The following IGSF9 variants were observed in gnomAD, a reference collection of about 807,000 sequenced individuals.
The protein encoded by IGSF9 is immunoglobulin superfamily member 9.
IGSF9 carries 87 observed loss-of-function variants against 121.7 expected under a neutral mutation model. That is an observed-to-expected ratio of 0.71 (90% CI 0.60 to 0.85). The LOEUF is 0.85. Ranked by LOEUF, IGSF9 falls within the 40% of genes least tolerant of loss-of-function variation. The pLI, the probability that IGSF9 is intolerant of heterozygous loss-of-function variation, is 0.00. For missense variants in IGSF9, 1,462 were observed against 1,565.3 expected (o/e 0.93, Z 1.11); for synonymous variants, 640 against 648.4 (o/e 0.99, Z 0.20).
intron 9 of IGSF9, 154 bp downstream of exon 9, chr1:159,934,036 T>G (rs1651094685): frequency 1.1e-6 from 1 of 911,906 alleles, no homozygotes; most frequent in Admixed American, 2.7e-5. Flanking sequence ...TTTAAGTAGT[T>G]TCCTATGCAA....
chr1:159,930,924 G>A (rs756675073), intron 13 of IGSF9, 57 bp from the exon 14 acceptor site: 29 of 1,508,282 alleles, frequency 1.9e-5, no homozygotes, highest in Non-Finnish European at 2.6e-5. Flanking sequence ...CAGAAGATCT[G>A]GGGTCCAGAG....
intron 6 of IGSF9, 104 bp from the exon 7 acceptor site, chr1:159,934,926 G>C: frequency 7.2e-7 from 1 of 1,392,640 alleles, no homozygotes; most frequent in Non-Finnish European, 9.9e-7. Flanking sequence ...TGGAATCTTA[G>C]GGCTCGTTGT....
chr1:159,931,382 T>C lies in IGSF9; in HGVS notation c.1513+71A>G. The C allele has an allele frequency of 6.3e-7, 1 of 1,597,304 alleles. No homozygotes were observed. Among genetic ancestry groups the C allele is most frequent in the South Asian group, 1.1e-5 (1 of 89,032 alleles). The stretch of plus-strand genomic sequence containing the variant: ...CCCAGGGGTCCCACACCCATGATCC[T>C]CTTTCTGGGCCTCCAAAAACGATTC... On this transcript the variant is annotated intron_variant, in intron 12 of 20. Coordinates refer to ENST00000368094, the MANE Select transcript of IGSF9 (RefSeq NM_001135050.2). The surrounding 1 kb of genome is among the most constrained non-coding windows in gnomAD (Gnocchi z 4.8).
Position 159,927,382 on chromosome 1 carries a change from T to A in IGSF9, c.3503A>T (p.Gln1168Leu), listed in dbSNP as rs755823106. 6.2e-7 allele frequency: 1 copy of A among 1,613,716 alleles called. No homozygotes were observed. Among genetic ancestry groups the A allele is most frequent in the Non-Finnish European group, 8.5e-7 (1 of 1,180,000 alleles). ...GGCCTGTTCGGGGTGGGGGACTGGC[T>A]GTCGATAGGCTGGTAGCCGAGCCCT... ...ATRARLPAYR[Q>L]PVPHPEQATL... Residue 1168 changes from glutamine (Q) to leucine (L), a missense_variant, in exon 21 of 21, where the codon CAG (glutamine) becomes CTG (leucine). By Grantham distance (113) the Gln-to-Leu change is moderately radical. Around this residue, in one of 3 missense-constraint regions of IGSF9, gnomAD observed 808 missense variants for 815.2 expected, o/e 0.99. Transcript: ENST00000368094.
intron 4 of IGSF9, among the ~76,000 whole-genome samples, chr1:159,937,218 C>A (rs891993663): frequency 6.6e-6 from 1 of 152,184 alleles, no homozygotes; most frequent in Non-Finnish European, 1.5e-5. Context: ...CTCTGCTCTG[C>A]CACTAATCAG....
rs760246481 is a variant in IGSF9, at chr1:159,929,638, C to T, written c.2326G>A (p.Asp776Asn). Residue 776 changes from aspartate to asparagine, a missense_variant and splice_region_variant, in exon 17 of 21, where the codon GAT becomes AAT. Transcript: ENST00000368094. Reference sequence around the variant, plus strand: ...CAGGGCTGAGGGTGGAGGGACTTACCTTGGCGGAGGCGCTTGCGGCGGCGG... The same window carrying T: ...CAGGGCTGAGGGTGGAGGGACTTACTTTGGCGGAGGCGCTTGCGGCGGCGG... ...ARRRRKRLRQ[D>N]PPLIFSPTGK... 2 of 1,593,842 alleles carry T rather than the reference C, an allele frequency of 1.3e-6. No individual in the cohort carries two copies. The highest frequency in any genetic ancestry group is 1.7e-6 in the Non-Finnish European group (2 of 1,171,494).
In IGSF9 at chr1:159,928,821, C is replaced by T. The variant is rs771065962; in HGVS notation, c.2567G>A (p.Gly856Glu). The change falls in exon 19 of 21, where the codon GGG (glycine) becomes GAG (glutamate). Residue 856 changes from glycine to glutamate, a missense_variant. Around this residue, in one of 3 missense-constraint regions of IGSF9, gnomAD observed 808 missense variants for 815.2 expected, o/e 0.99. Transcript: ENST00000368094. ...TTCCTGGGGGGCCGCCACAGTGGGC[C>T]CCATCACAAAGCGCCCGTCTGGGCC... is the stretch of plus-strand genomic sequence containing the variant. ...CRGPDGRFVM[G>E]PTVAAPQERS... is the part of the protein sequence containing the mutation. The T allele has an allele frequency of 2.0e-6, 3 of 1,521,850 alleles. No homozygotes were observed. Among genetic ancestry groups the T allele is most frequent in the East Asian group, 2.4e-5 (1 of 41,534 alleles). 94.3% of individuals were successfully genotyped at this position (1,521,850 alleles called of 1,614,324 possible).
intron 4 of IGSF9, 71 bp from the exon 5 acceptor site, chr1:159,936,979 G>A (rs1230158980): frequency 2.6e-6 from 4 of 1,512,564 alleles, no homozygotes; most frequent in African/African-American, 1.4e-5. Flanking sequence ...AAGGGCCAGG[G>A]AGACCACTCA....
In IGSF9 at chr1:159,943,517, G is replaced by A. The variant is rs948313321; in HGVS notation, c.-63C>T. On this transcript the variant is annotated 5_prime_UTR_variant, in exon 2 of 21. Coordinates refer to ENST00000368094, the MANE Select transcript of IGSF9 (RefSeq NM_001135050.2). ...CAGGAGCCCAGATGGAGGGGCCAAG[G>A]GATGTCCTTCTGATCAGCTCAGGGA... 1.4e-6 allele frequency: 2 copies of A among 1,444,258 alleles called. No homozygotes were observed. Among genetic ancestry groups the A allele is most frequent in the East Asian group, 2.5e-5 (1 of 39,728 alleles). 89.5% of individuals were successfully genotyped at this position (1,444,258 alleles called of 1,614,324 possible). A position where few individuals can be genotyped will look rare whatever the true frequency, so the allele number is the denominator to read the frequency against.
At position 159,931,290 on chromosome 1, in the gene IGSF9, G is replaced by C. The variant is rs1225322214; in HGVS notation, c.1514-29C>G. On this transcript the variant is annotated intron_variant, in intron 12 of 20. Transcript: ENST00000368094. The surrounding 1 kb of genome is among the most constrained non-coding windows in gnomAD (Gnocchi z 4.8). ...GGCAGGGGGGAATGGAGGGATGGTG[G>C]TCAGGGCCTGAGGGAGTGTACAGAG... The C allele has an allele frequency of 6.2e-7, 1 of 1,613,796 alleles. No individual in the cohort carries two copies.
Position 159,934,586 on chromosome 1 carries a change from T to A in IGSF9, c.816-16A>T. On this transcript the variant is annotated splice_polypyrimidine_tract_variant and intron_variant, in intron 7 of 20. Coordinates refer to ENST00000368094, the MANE Select transcript of IGSF9 (RefSeq NM_001135050.2). ...CTGCAGGCGGCTGCAATGTGGCATG[T>A]GTGAGGAGGGGTCCAGGCCTTGCCC... 1 of 1,613,450 alleles carries A rather than the reference T, an allele frequency of 6.2e-7. No homozygotes were observed. The highest frequency in any genetic ancestry group is 8.5e-7 in the Non-Finnish European group (1 of 1,179,528).
chr1:159,927,817 T>G lies in IGSF9; in HGVS notation c.3301A>C (p.Thr1101Pro), dbSNP rs767034758. The G allele has an allele frequency of 1.2e-6, 2 of 1,612,810 alleles. No homozygotes were observed. The highest frequency in any genetic ancestry group is 1.3e-5 in the African/African-American group (1 of 74,454). The change falls in exon 20 of 21, where the codon ACT becomes CCT. Residue 1101 changes from threonine to proline, a missense_variant. By Grantham distance (38) the Thr-to-Pro change is conservative (BLOSUM62 -1). This residue lies in a region of IGSF9 where 808 missense variants were observed against 815.2 expected (regional missense o/e 0.99). Transcript: ENST00000368094. The part of the protein sequence containing the change: ...EFPGDMELLE[T>P]LHLGLASSRL... The stretch of plus-strand genomic sequence containing the variant: ...GAGCTGGCCAAGCCCAGGTGCAAAG[T>G]CTCCAGCAATTCCATGTCCCCAGGG...
Position 159,943,006 on chromosome 1 carries a change from G to T in IGSF9, c.204C>A (p.Ile68=), listed in dbSNP as rs1346216311. ...LRFGFLLPIF[I]QFGLYSPRID... ...TTCGGGGAGAGTAGAGGCCGAACTG[G>T]ATGAAGATGGGAAGCAGGAATCCAA... is the stretch of plus-strand genomic sequence containing the variant. The change falls in exon 3 of 21, where the codon ATC becomes ATA. Residue 68 remains isoleucine (I), a synonymous_variant. Transcript: ENST00000368094. 1.2e-6 allele frequency: 2 copies of T among 1,613,654 alleles called. No individual in the cohort carries two copies. The highest frequency in any genetic ancestry group is 1.7e-6 in the Non-Finnish European group (2 of 1,179,794).
Position 159,927,097 on chromosome 1 carries a change from C to CAGAGAGAGAGAGAGAGAG in IGSF9, c.*230_*247dup, listed in dbSNP as rs1553225973. Reference sequence around the variant, plus strand: ...AACTTCACACACACACACACACACACAGAGAGAGAGAGAGAGAGAGAGAGA... The same window carrying CAGAGAGAGAGAGAGAGAG: ...AACTTCACACACACACACACACACACAGAGAGAGAGAGAGAGAGAGAGAGAGAGAGAGAGAGAGAGAGA... On this transcript the variant is annotated 3_prime_UTR_variant, in exon 21 of 21. Coordinates refer to ENST00000368094, the MANE Select transcript of IGSF9 (RefSeq NM_001135050.2). 7 of 371,868 alleles carry CAGAGAGAGAGAGAGAGAG rather than the reference C, an allele frequency of 1.9e-5. No homozygotes were observed. The South Asian group carries it at 2.7e-4, about 14-fold the overall frequency. 23.0% of individuals were successfully genotyped at this position (371,868 alleles called of 1,614,324 possible).
chr1:159,935,580 C>T (rs1651155831), intron 6 of IGSF9, among the ~76,000 whole-genome samples: 1 of 152,252 alleles, frequency 6.6e-6, no homozygotes, highest in Non-Finnish European at 1.5e-5. Context: ...CTTCCCCTCT[C>T]TGGGCCGGTA....
chr1:159,942,636 G>A lies in IGSF9; in HGVS notation c.247+327C>T, dbSNP rs529101966. 4.6e-5 allele frequency among the ~76,000 whole-genome samples: 7 copies of A among 152,266 alleles called. 1 individual carries two copies. In the South Asian group the frequency reaches 1.5e-3, roughly 32 times the overall value. The stretch of plus-strand genomic sequence containing the variant: ...AGTCTGGGAGGTTTCATGATGAGAT[G>A]TAGAAAAAGCAGTTACAGAATTAGA... On this transcript the variant is annotated intron_variant, in intron 3 of 20. Transcript: ENST00000368094.
intron 3 of IGSF9, among the ~76,000 whole-genome samples, chr1:159,942,360 C>A (rs1478513535): frequency 6.6e-6 from 1 of 152,174 alleles, no homozygotes; most frequent in Non-Finnish European, 1.5e-5. Context: ...CTTTGGGGAT[C>A]CTGGGCCCTC....
At position 159,934,278 on chromosome 1, in the gene IGSF9, G is replaced by A. The variant is rs766549058; in HGVS notation, c.1016C>T (p.Pro339Leu). ...ACGAACCGGGCAGCGGATCACCCCC[G>A]GCATGCCTATGGGCAGGGGTGTCTC... ...PPETPLPIGMPGVIRCPVRAN... is the reference protein window; with the variant it reads ...PPETPLPIGMLGVIRCPVRAN... The change falls in exon 9 of 21, where the codon CCG (proline) becomes CTG (leucine). Residue 339 changes from proline (P) to leucine (L), a missense_variant. Physicochemically the swap from Pro to Leu is moderately conservative, Grantham distance 98. Transcript: ENST00000368094. 7.6e-5 allele frequency: 122 copies of A among 1,612,962 alleles called. No individual in the cohort carries two copies. The highest frequency in any genetic ancestry group is 1.6e-4 in the Middle Eastern group (1 of 6,080).
In IGSF9 at chr1:159,934,060, A is replaced by G. The variant is rs556731829; in HGVS notation, c.1104+130T>C. ...TTTCCTATGCAACATGTCTTATAAC[A>G]CAAATTAAATTCACAAAAGATGTGT... On this transcript the variant is annotated intron_variant, in intron 9 of 20. Transcript: ENST00000368094. The G allele has an allele frequency of 4.5e-5, 51 of 1,141,380 alleles. No individual in the cohort carries two copies. In the Middle Eastern group the frequency reaches 8.5e-4, roughly 19 times the overall value. The allele number at this position is 1,141,380 out of a possible 1,614,324, so 70.7% of individuals were successfully genotyped here. A position where few individuals can be genotyped will look rare whatever the true frequency, so the allele number is the denominator to read the frequency against.
Sources: allele counts gnomAD v4.1 joint callset (sites outside exome capture counted in the v4.1 genomes callset), GRCh38; gene constraint gnomAD v4.1.1; regional missense constraint gnomAD v4.1.1; non-coding constraint Gnocchi (gnomAD v3.1); transcripts MANE v1.5; gene names NCBI Gene and HGNC (gene_info 2026-07-23, HGNC 2026-07-21).